The following ADAMTS3 variants were observed in gnomAD, a reference collection of about 807,000 sequenced individuals.
The protein encoded by ADAMTS3 is ADAM metallopeptidase with thrombospondin type 1 motif 3, also known as A disintegrin and metalloproteinase with thrombospondin motifs 3.
A neutral mutation model predicts 129.0 loss-of-function variants in ADAMTS3; 73 were observed. The observed-to-expected ratio is 0.57, with a 90% confidence interval of 0.47 to 0.69. The LOEUF is 0.69. Ranked by LOEUF, ADAMTS3 falls within the 30% of genes least tolerant of loss-of-function variation. The pLI is 0.00. For missense variants in ADAMTS3, 1,457 were observed against 1,514.5 expected, an observed-to-expected ratio of 0.96 and a Z score of 0.63; for synonymous variants, 477 against 510.8, an observed-to-expected ratio of 0.93 and a Z score of 0.89.
chr4:72,462,144 C>T (rs947852205), intron 3 of ADAMTS3, among the ~76,000 whole-genome samples: 2 of 151,788 alleles, frequency 1.3e-5, no homozygotes, highest in Non-Finnish European at 2.9e-5. Flanking sequence ...AAAAATAAAG[C>T]AAGTGCACAC....
Position 72,308,177 on chromosome 4 carries a change from T to C in ADAMTS3, c.2179+1220A>G, listed in dbSNP as rs546892584. On this transcript the variant is annotated intron_variant, in intron 15 of 21. Transcript: ENST00000286657. ...TGACTCCACTGAAATATAATACACG[T>C]ATATAATTATATTTCTCTTTGCTTT... Among the ~76,000 whole-genome samples the C allele has an allele frequency of 1.1e-3, 165 of 152,122 alleles. 1 individual carries two copies. The highest frequency in any genetic ancestry group is 3.8e-3 in the African/African-American group (160 of 41,566).
intron 3 of ADAMTS3, among the ~76,000 whole-genome samples, chr4:72,457,206 T>G (rs1383935): frequency 0.97 from 147,830 of 151,784 alleles, 72,133 homozygotes; most frequent in South Asian, 1. Context: ...TCAGGTTCCG[T>G]TTGCTTATTG....
intron 16 of ADAMTS3, among the ~76,000 whole-genome samples, chr4:72,304,625 A>G (rs554158752): frequency 1.3e-5 from 2 of 152,238 alleles, no homozygotes; most frequent in African/African-American, 4.8e-5. Flanking sequence ...ATATAGTTAG[A>G]AAAAGCTGCT....
At chr4:72,375,968 C>T (rs1721124194) in intron 4 of ADAMTS3, among the ~76,000 whole-genome samples, 1 of 151,930 alleles carries the variant, frequency 6.6e-6, no homozygotes, top group Admixed American at 6.6e-5. Context: ...GGTGAGATAA[C>T]AATTTATATG....
chr4:72,532,630 C>T (rs983643909), intron 3 of ADAMTS3, among the ~76,000 whole-genome samples: 2 of 152,016 alleles, frequency 1.3e-5, no homozygotes, highest in East Asian at 1.9e-4. Context: ...TTCATCACTA[C>T]GTGAACATGA....
At chr4:72,378,877 A>G (rs1721204714) in intron 4 of ADAMTS3, among the ~76,000 whole-genome samples, 1 of 152,148 alleles carries the variant, frequency 6.6e-6, no homozygotes, top group Admixed American at 6.6e-5. Context: ...GTTTTCTCCT[A>G]AACTTTTTCT....
intron 4 of ADAMTS3, among the ~76,000 whole-genome samples, chr4:72,353,894 C>T (rs149743520): frequency 5.5e-4 from 83 of 152,054 alleles, no homozygotes; most frequent in African/African-American, 1.7e-3. Context: ...TGTTGTGATT[C>T]TTTACTGTTG....
At chr4:72,377,388 T>C (rs1417518536) in intron 4 of ADAMTS3, among the ~76,000 whole-genome samples, 1 of 152,080 alleles carries the variant, frequency 6.6e-6, no homozygotes, top group Non-Finnish European at 1.5e-5. Flanking sequence ...CCAAGAGAAA[T>C]AGGGGAAAAC....
chr4:72,442,259 T>C (rs1435663219), intron 3 of ADAMTS3: 1 of 151,802 alleles, frequency 6.6e-6, no homozygotes, highest in East Asian at 2.0e-4. Context: ...AGAGATGCCT[T>C]AGTCCATTTT....
At chr4:72,532,929 G>C (rs1481090903) in intron 3 of ADAMTS3, among the ~76,000 whole-genome samples, 1 of 152,164 alleles carries the variant, frequency 6.6e-6, no homozygotes, top group Admixed American at 6.5e-5. Flanking sequence ...AAGTCAGTGA[G>C]TGGTAAGTAA....
At chr4:72,509,760 C>A (rs552551977) in intron 3 of ADAMTS3, among the ~76,000 whole-genome samples, 1 of 151,342 alleles carries the variant, frequency 6.6e-6, no homozygotes, top group Non-Finnish European at 1.5e-5. Flanking sequence ...CAAACTCATA[C>A]TACGAGGCTG....
chr4:72,317,468 TC>T (rs1174082104), intron 10 of ADAMTS3, among the ~76,000 whole-genome samples: 1 of 128,866 alleles, frequency 7.8e-6, no homozygotes, highest in Non-Finnish European at 1.5e-5. Flanking sequence ...AAAAAGGCCT[TC>T]TTTTTTTTTT....
rs142781084 is a variant in ADAMTS3 at position 72,291,006 on chromosome 4, T to C, written c.2780A>G (p.Gln927Arg). Residue 927 changes from glutamine (Q) to arginine (R), a missense_variant, in exon 20 of 22, where the codon CAG becomes CGG. Gln to Arg is a conservative substitution (Grantham distance 43). Transcript: ENST00000286657. ...CTKTCGSSGYQLRTVRCLQPL... is the reference protein window; with the variant it reads ...CTKTCGSSGYRLRTVRCLQPL... Reference sequence around the variant, plus strand: ...CTGAAGGCAGCGTACAGTGCGAAGCTGATAGCCAGAACTTCCACAGGTTTT... The same window carrying C: ...CTGAAGGCAGCGTACAGTGCGAAGCCGATAGCCAGAACTTCCACAGGTTTT... 479 of 1,613,904 alleles carry C rather than the reference T, an allele frequency of 3.0e-4. No individual in the cohort carries two copies. Among genetic ancestry groups the C allele is most frequent in the Non-Finnish European group, 3.9e-4 (458 of 1,179,956 alleles).
chr4:72,512,385 G>A (rs904808862), intron 3 of ADAMTS3, among the ~76,000 whole-genome samples: 11 of 152,022 alleles, frequency 7.2e-5, no homozygotes, highest in African/African-American at 1.7e-4. Flanking sequence ...CCAGCTACTC[G>A]GGAGGCTGAG....
intron 2 of ADAMTS3, among the ~76,000 whole-genome samples, chr4:72,565,197 CATTAA>C (rs1721993268): frequency 6.6e-6 from 1 of 152,108 alleles, no homozygotes; most frequent in Non-Finnish European, 1.5e-5. Flanking sequence ...CTTCCTGAAA[CATTAA>C]ATTATTTAGA....
rs1439580998 is a variant in ADAMTS3 at position 72,548,463 on chromosome 4, CAGA to C, written c.504+12_504+14del. The C allele has an allele frequency of 6.2e-7, 1 of 1,609,468 alleles. No homozygotes were observed. Among genetic ancestry groups the C allele is most frequent in the Non-Finnish European group, 8.5e-7 (1 of 1,176,976 alleles). On this transcript the variant is annotated intron_variant, in intron 3 of 21. Transcript: ENST00000286657. ...AGCACCTGCAAACATACGCACAAAA[CAGA>C]AGGAGTCTTACCAGACCATCACAGT...
chr4:72,477,200 A>T (rs1185858147), intron 3 of ADAMTS3, among the ~76,000 whole-genome samples: 3 of 152,136 alleles, frequency 2.0e-5, no homozygotes, highest in Non-Finnish European at 4.4e-5. Flanking sequence ...CCTAATAGAC[A>T]TTTACAGAAC....
intron 2 of ADAMTS3, among the ~76,000 whole-genome samples, chr4:72,553,653 G>A (rs983655601): frequency 1.3e-5 from 2 of 152,062 alleles, no homozygotes; most frequent in East Asian, 3.9e-4. Flanking sequence ...TATGTGGTTG[G>A]GAAGTCTGGG....
At chr4:72,378,724 C>A (rs1721199406) in intron 4 of ADAMTS3, among the ~76,000 whole-genome samples, 1 of 151,810 alleles carries the variant, frequency 6.6e-6, no homozygotes, top group African/African-American at 2.4e-5. Context: ...TGCTACAGAA[C>A]AAATCACAAA....
Sources: allele counts gnomAD v4.1 joint callset (sites outside exome capture counted in the v4.1 genomes callset), GRCh38; gene constraint gnomAD v4.1.1; transcripts MANE v1.5; gene names NCBI Gene and HGNC (gene_info 2026-07-23, HGNC 2026-07-21).